The following CDKAL1 variants were observed in gnomAD, a reference collection of about 807,000 sequenced individuals.
CDKAL1 encodes threonylcarbamoyladenosine tRNA methylthiotransferase.
Under a neutral mutation model 68.2 loss-of-function variants are expected in CDKAL1, and 32 were observed. The observed-to-expected ratio is 0.47, with a 90% confidence interval of 0.35 to 0.63. The LOEUF (loss-of-function observed/expected upper bound fraction) is 0.63, where lower values mean the gene tolerates loss of function less well. CDKAL1 is among the 30% of genes least tolerant of loss of function. The pLI, the probability that CDKAL1 is intolerant of heterozygous loss-of-function variation, is 0.00. For synonymous variants in CDKAL1, 234 were observed against 244.3 expected (o/e 0.96, Z 0.39); for missense variants, 606 against 696.7 (o/e 0.87, Z 1.47).
intron 11 of CDKAL1, among the ~76,000 whole-genome samples, chr6:21,019,798 C>T (rs558302910): frequency 3.5e-4 from 53 of 152,204 alleles, no homozygotes; most frequent in Admixed American, 1.6e-3. Context: ...TTCATATGCT[C>T]ACAAGCCACT....
At chr6:20,734,867 T>TC (rs1773115360) in intron 5 of CDKAL1, among the ~76,000 whole-genome samples, 1 of 76,918 alleles carries the variant, frequency 1.3e-5, no homozygotes, top group Non-Finnish European at 2.8e-5. Flanking sequence ...GCACCTCTTT[T>TC]TTTTTTTTTT....
intron 13 of CDKAL1, among the ~76,000 whole-genome samples, chr6:21,193,511 C>T (rs976915195): frequency 1.3e-5 from 2 of 152,286 alleles, no homozygotes; most frequent in Middle Eastern, 3.4e-3. Context: ...TCCCTACTTC[C>T]GTCCCACTTC....
chr6:20,660,210 G>T (rs988141362), intron 5 of CDKAL1, among the ~76,000 whole-genome samples: 1 of 152,122 alleles, frequency 6.6e-6, no homozygotes, highest in Non-Finnish European at 1.5e-5. Flanking sequence ...ATCTGTTGTT[G>T]TGTAGTATAT....
intron 4 of CDKAL1, among the ~76,000 whole-genome samples, chr6:20,606,505 A>G (rs1396190947): frequency 1.3e-5 from 2 of 152,246 alleles, no homozygotes; most frequent in Admixed American, 1.3e-4. Context: ...GTCCGGGAGT[A>G]GAGTTTATCT....
At chr6:21,190,265 A>C (rs1778180746) in intron 13 of CDKAL1, among the ~76,000 whole-genome samples, 1 of 152,252 alleles carries the variant, frequency 6.6e-6, no homozygotes, top group Non-Finnish European at 1.5e-5. Context: ...TAGCTGCAGA[A>C]ATAGCATGTC....
At chr6:20,795,648 A>G (rs1346844367) in intron 8 of CDKAL1, among the ~76,000 whole-genome samples, 2 of 152,196 alleles carry the variant, frequency 1.3e-5, no homozygotes, top group Admixed American at 6.5e-5. Context: ...TTCTTAGTAC[A>G]TAGACTTAAT....
intron 9 of CDKAL1, among the ~76,000 whole-genome samples, chr6:20,855,946 G>T (rs1759312084): frequency 6.6e-6 from 1 of 152,166 alleles, no homozygotes; most frequent in South Asian, 2.1e-4. Context: ...TTTGAATAGG[G>T]CAACAGACTT....
chr6:21,123,836 TTCTGAAATACTATCACAG>T (rs1220035137), intron 13 of CDKAL1, among the ~76,000 whole-genome samples: 1 of 152,266 alleles, frequency 6.6e-6, no homozygotes, highest in Non-Finnish European at 1.5e-5. Flanking sequence ...TATTATCTCC[TTCTGAAATACTATCACAG>T]TCTGCACTAG....
intron 13 of CDKAL1, among the ~76,000 whole-genome samples, chr6:21,156,446 A>G (rs1268678309): frequency 1.4e-5 from 2 of 145,862 alleles, no homozygotes; most frequent in Non-Finnish European, 3.0e-5. Flanking sequence ...AAAAAAAGGA[A>G]AAATAAGACT....
At chr6:20,909,099 A>G (rs990219342) in intron 9 of CDKAL1, among the ~76,000 whole-genome samples, 1 of 152,184 alleles carries the variant, frequency 6.6e-6, no homozygotes, top group African/African-American at 2.4e-5. Flanking sequence ...CCCTAAAGCT[A>G]AAATCATCTG....
chr6:21,163,252 G>A (rs991049142), intron 13 of CDKAL1, among the ~76,000 whole-genome samples: 21 of 152,184 alleles, frequency 1.4e-4, no homozygotes, highest in Middle Eastern at 3.4e-3. Context: ...CTGAGTTCTC[G>A]TTCATGAGCC....
chr6:20,782,534 A>C (rs1775476655), intron 8 of CDKAL1, among the ~76,000 whole-genome samples: 1 of 152,066 alleles, frequency 6.6e-6, no homozygotes, highest in Non-Finnish European at 1.5e-5. Flanking sequence ...ACTTTCCCGC[A>C]ACTCCTGATT....
intron 9 of CDKAL1, among the ~76,000 whole-genome samples, chr6:20,868,224 A>G (rs1760011161): frequency 6.6e-6 from 1 of 152,138 alleles, no homozygotes; most frequent in Non-Finnish European, 1.5e-5. Flanking sequence ...GGTACTAAAT[A>G]TCACCCCCAT....
At chr6:21,081,606 C>T (rs1184818609) in intron 12 of CDKAL1, among the ~76,000 whole-genome samples, 2 of 145,326 alleles carry the variant, frequency 1.4e-5, no homozygotes, top group Non-Finnish European at 3.0e-5. Context: ...GAGTCTCACT[C>T]TGTCACCCAG....
At chr6:21,192,810 CTTTTTTT>C (rs34456723) in intron 13 of CDKAL1, among the ~76,000 whole-genome samples, 3 of 124,868 alleles carry the variant, frequency 2.4e-5, no homozygotes, top group East Asian at 2.3e-4. Context: ...TTGAGAGTTC[CTTTTTTT>C]TTTTTTTTTT....
rs957868141 is a variant in CDKAL1 at position 20,803,776 on chromosome 6, A to G, written c.638+22511A>G. On this transcript the variant is annotated intron_variant, in intron 8 of 15. Coordinates refer to ENST00000274695, the MANE Select transcript of CDKAL1 (RefSeq NM_017774.3). Reference sequence around the variant, plus strand: ...GTGGTTTTAGGAATGGCAGAAATAGAAAATAATTTTATATTTAAAAGAAAT... The same window carrying G: ...GTGGTTTTAGGAATGGCAGAAATAGGAAATAATTTTATATTTAAAAGAAAT... 4.6e-5 allele frequency among the ~76,000 whole-genome samples: 7 copies of G among 152,174 alleles called. No individual in the cohort carries two copies. In the East Asian group the frequency reaches 1.2e-3, roughly 25 times the overall value.
Position 20,776,440 on chromosome 6 carries a change from A to G in CDKAL1, c.518-4705A>G, listed in dbSNP as rs533317103. On this transcript the variant is annotated intron_variant, in intron 7 of 15. Transcript: ENST00000274695. ...AATAAAGTACTAAATGTTTCTTATT[A>G]AAGTGAGTAGTGCAAAGAGGCTATG... Among the ~76,000 whole-genome samples the G allele has an allele frequency of 4.6e-5, 7 of 152,316 alleles. No individual in the cohort carries two copies. In the South Asian group the frequency reaches 1.5e-3, roughly 32 times the overall value.
chr6:21,042,437 G>A (rs1266345946), intron 11 of CDKAL1, among the ~76,000 whole-genome samples: 32 of 152,026 alleles, frequency 2.1e-4, no homozygotes, highest in Non-Finnish European at 7.4e-5. Context: ...CACCTCTCTC[G>A]TGGCACTGGG....
intron 5 of CDKAL1, among the ~76,000 whole-genome samples, chr6:20,737,544 T>C (rs1239306948): frequency 2.0e-5 from 3 of 150,752 alleles, no homozygotes; most frequent in Non-Finnish European, 4.4e-5. Flanking sequence ...GGTGTTATAA[T>C]GAAAGTTCTT....
Sources: allele counts gnomAD v4.1 joint callset (sites outside exome capture counted in the v4.1 genomes callset), GRCh38; gene constraint gnomAD v4.1.1; transcripts MANE v1.5; gene names NCBI Gene and HGNC (gene_info 2026-07-23, HGNC 2026-07-21).